JMJD1C: variants seen among roughly 807,000 people sequenced by gnomAD.
JMJD1C encodes jumonji domain containing 1C.
A neutral mutation model predicts 245.3 loss-of-function variants in JMJD1C; 31 were observed. The observed-to-expected ratio is 0.13, with a 90% CI of 0.09 to 0.17. The LOEUF (loss-of-function observed/expected upper bound fraction) is 0.17. JMJD1C is among the 10% of genes least tolerant of loss of function. JMJD1C has a pLI of 1.00. For missense variants in JMJD1C, 2,691 were observed against 3,000.2 expected, an observed-to-expected ratio of 0.90 and a Z score of 2.41; for synonymous variants, 1,057 against 1,017.4, an observed-to-expected ratio of 1.04 and a Z score of -0.74.
chr10:63,288,015 G>A (rs533916752), intron 2 of JMJD1C, among the ~76,000 whole-genome samples: 4 of 152,234 alleles, frequency 2.6e-5, no homozygotes, highest in Admixed American at 6.5e-5. Context: ...AAAGAGCTGC[G>A]ATTACAGGTG....
chr10:63,356,261 A>T (rs1438060837), intron 2 of JMJD1C, among the ~76,000 whole-genome samples: 1 of 152,238 alleles, frequency 6.6e-6, no homozygotes, highest in Non-Finnish European at 1.5e-5. Flanking sequence ...ACACAACGTT[A>T]TGTCTGAATA....
chr10:63,432,663 C>G (rs544206282), intron 1 of JMJD1C, among the ~76,000 whole-genome samples: 12 of 152,318 alleles, frequency 7.9e-5, no homozygotes, highest in Admixed American at 3.3e-4. Flanking sequence ...AAAACCTTAT[C>G]TATTTTGTTT....
intron 2 of JMJD1C, among the ~76,000 whole-genome samples, chr10:63,299,998 G>A (rs1325930089): frequency 6.6e-6 from 1 of 151,944 alleles, no homozygotes; most frequent in African/African-American, 2.4e-5. Context: ...CCTTACAAGT[G>A]GAATGTCTGA....
intron 1 of JMJD1C, among the ~76,000 whole-genome samples, chr10:63,403,885 G>A (rs917783069): frequency 6.6e-6 from 1 of 152,152 alleles, no homozygotes; most frequent in African/African-American, 2.4e-5. Flanking sequence ...GCAGTGAGCC[G>A]AGATTGCGCC....
At chr10:63,466,485 G>C (rs555245437), upstream of JMJD1C, 2 of 152,264 alleles carry the variant, frequency 1.3e-5, no homozygotes, top group Non-Finnish European at 2.9e-5. Flanking sequence ...AAGGGAAAAC[G>C]AGGGGGAAAA....
intron 1 of JMJD1C, among the ~76,000 whole-genome samples, chr10:63,409,461 G>A (rs1949361812): frequency 6.6e-6 from 1 of 152,138 alleles, no homozygotes; most frequent in Non-Finnish European, 1.5e-5. Context: ...CAGGTAGGCA[G>A]TAACGTGAAT....
intron 1 of JMJD1C, among the ~76,000 whole-genome samples, chr10:63,464,294 C>G (rs749995582): frequency 3.9e-5 from 6 of 152,104 alleles, no homozygotes; most frequent in Non-Finnish European, 7.4e-5. Context: ...GCCGCATTAA[C>G]CATATCATTG....
intron 2 of JMJD1C, among the ~76,000 whole-genome samples, chr10:63,301,439 C>A (rs2133991625): frequency 6.6e-6 from 1 of 152,320 alleles, no homozygotes; most frequent in South Asian, 2.1e-4. Context: ...AGTTTTAATG[C>A]ATTCTTATGT....
upstream of JMJD1C, among the ~76,000 whole-genome samples, chr10:63,469,809 CAAGCCACTATTTAAATGAGGGA>C (rs1431734425): frequency 6.6e-6 from 1 of 151,908 alleles, no homozygotes; most frequent in African/African-American, 2.4e-5. Flanking sequence ...AAGAATCGTG[CAAGCCACTATTTAAATGAGGGA>C]AACCAAGAGT....
intron 2 of JMJD1C, among the ~76,000 whole-genome samples, chr10:63,347,659 TCCCA>T (rs1943971723): frequency 1.3e-5 from 2 of 150,784 alleles, no homozygotes; most frequent in Non-Finnish European, 2.9e-5. Context: ...ATGCCTGTAA[TCCCA>T]GCACTTTGGG....
chr10:63,204,899 T>A (rs1349402440), intron 10 of JMJD1C: 13 of 985,320 alleles, frequency 1.3e-5, no homozygotes, highest in Non-Finnish European at 1.6e-5. Flanking sequence ...AAGGCACAAA[T>A]GGGAGCCTTC....
At chr10:63,427,589 G>A (rs764929660) in intron 1 of JMJD1C, 12 of 1,406,136 alleles carry the variant, frequency 8.5e-6, no homozygotes, top group Non-Finnish European at 1.2e-5. Context: ...ACCTTCACCT[G>A]GAACATCAAC....
chr10:63,203,160 G>A (rs1344651350), intron 10 of JMJD1C: 1 of 984,576 alleles, frequency 1.0e-6, no homozygotes, highest in African/African-American at 1.7e-5. Flanking sequence ...TATAATTTTT[G>A]CTTCTAGACA....
At chr10:63,203,681 C>G in intron 10 of JMJD1C, 1 of 983,198 alleles carries the variant, frequency 1.0e-6, no homozygotes, top group South Asian at 4.7e-5. Context: ...TTAAGAGAAA[C>G]AAAAAGGTAG....
chr10:63,363,743 G>A (rs1471818599), intron 2 of JMJD1C, among the ~76,000 whole-genome samples: 2 of 151,964 alleles, frequency 1.3e-5, no homozygotes, highest in Non-Finnish European at 2.9e-5. Context: ...CTGGAGTGCA[G>A]TGATGGCTCA....
chr10:63,206,539 T>C, intron 10 of JMJD1C, 56 bp downstream of exon 10: 1 of 1,365,742 alleles, frequency 7.3e-7, no homozygotes, highest in South Asian at 1.4e-5. Context: ...AGCACACTAG[T>C]ATAGCTAAAA....
intron 2 of JMJD1C, among the ~76,000 whole-genome samples, chr10:63,369,482 T>C (rs889802626): frequency 2.4e-4 from 37 of 152,174 alleles, no homozygotes; most frequent in Middle Eastern, 3.2e-3. Flanking sequence ...GCATGAATTT[T>C]TCATAAGATA....
intron 2 of JMJD1C, among the ~76,000 whole-genome samples, chr10:63,302,444 T>C (rs1053858561): frequency 9.9e-5 from 15 of 152,236 alleles, no homozygotes; most frequent in African/African-American, 3.4e-4. Flanking sequence ...CATTTGATCT[T>C]TGCTAATCTG....
rs751373318 is a variant in JMJD1C, at chr10:63,213,529, A to G, written c.2638T>C (p.Ser880Pro). Reference protein sequence around the residue: ...THAYSGLGLPSSKWVHPENAV... With the variant: ...THAYSGLGLPPSKWVHPENAV... Reference sequence around the variant, plus strand: ...TTTTCTGGGTGAACCCACTTAGAAGAAGGCAAACCAAGTCCTGAGTATGCA... The same window carrying G: ...TTTTCTGGGTGAACCCACTTAGAAGGAGGCAAACCAAGTCCTGAGTATGCA... Residue 880 changes from serine to proline, a missense_variant, in exon 8 of 26, where the codon TCT (serine) becomes CCT (proline). Around this residue, in one of 9 missense-constraint regions of JMJD1C, gnomAD observed 1,562 missense variants for 1,490.7 expected, o/e 1.05. Transcript: ENST00000399262. 320 of 1,609,508 alleles carry G rather than the reference A, an allele frequency of 2.0e-4. 3 individuals are homozygous for G. The East Asian group carries it at 7.0e-3, about 35-fold the overall frequency.
Sources: allele counts gnomAD v4.1 joint callset (sites outside exome capture counted in the v4.1 genomes callset), GRCh38; gene constraint gnomAD v4.1.1; regional missense constraint gnomAD v4.1.1; transcripts MANE v1.5; gene names NCBI Gene and HGNC (gene_info 2026-07-23, HGNC 2026-07-21).